The following SORBS2 variants were observed in gnomAD, a reference collection of about 807,000 sequenced individuals.
The protein encoded by SORBS2 is sorbin and SH3 domain containing 2.
In SORBS2, 46 loss-of-function variants were observed where a neutral mutation model predicts 97.7. The observed-to-expected ratio is 0.47, with a 90% CI of 0.37 to 0.60. SORBS2 has a LOEUF of 0.60. Among genes scored for constraint, SORBS2 ranks in the 20% least tolerant of loss-of-function variants. The pLI is 0.00. For synonymous variants in SORBS2, 476 were observed against 473.4 expected (o/e 1.01, Z -0.07); for missense variants, 1,316 against 1,282.3 (o/e 1.03, Z -0.40).
At chr4:185,947,812 G>A (rs6552939) in intron 1 of SORBS2, among the ~76,000 whole-genome samples, 138,504 of 152,104 alleles carry the variant, frequency 0.91, 63,105 homozygotes, top group East Asian at 0.95. Flanking sequence ...GGTTTCACCA[G>A]GTTGGCCAGG....
chr4:185,624,809 A>G (rs537890644), intron 6 of SORBS2, among the ~76,000 whole-genome samples: 1 of 152,352 alleles, frequency 6.6e-6, no homozygotes, highest in Admixed American at 6.5e-5. Flanking sequence ...TTCTGACAAT[A>G]TTGTTTGCCA....
At chr4:185,938,183 C>T (rs757467809) in intron 1 of SORBS2, among the ~76,000 whole-genome samples, 105 of 151,494 alleles carry the variant, frequency 6.9e-4, no homozygotes, top group Non-Finnish European at 1.1e-3. Flanking sequence ...TTTTTTGTAG[C>T]GATGAGGCTT....
chr4:185,589,778 C>A (rs766953732), exon 14 of SORBS2: 1 of 1,587,690 alleles, frequency 6.3e-7, no homozygotes, highest in Non-Finnish European at 8.7e-7. Context: ...TTATACAGAG[C>A]CTGAAACCTT....
In SORBS2 at chr4:185,755,279, G is replaced by A. The variant is rs1018650954; in HGVS notation, c.-198+19948C>T. On this transcript the variant is annotated intron_variant, in intron 2 of 20. Transcript: ENST00000284776. ...GGGACTGACACCTTTGCTTCCCATC[G>A]CAAGCACAGCCAATTCACTGAAAAG... is the stretch of plus-strand genomic sequence containing the variant. Among the ~76,000 whole-genome samples, 5 of 152,314 alleles carry A rather than the reference G, an allele frequency of 3.3e-5. 1 individual carries two copies. The highest frequency in any genetic ancestry group is 6.8e-3 in the Middle Eastern group (2 of 294).
At chr4:185,597,566 C>G (rs111618986) in intron 12 of SORBS2, among the ~76,000 whole-genome samples, 1 of 152,156 alleles carries the variant, frequency 6.6e-6, no homozygotes, top group Non-Finnish European at 1.5e-5. Context: ...GATGTGCACG[C>G]TATTGCATGA....
At chr4:185,687,352 T>C (rs1314366447) in intron 2 of SORBS2, among the ~76,000 whole-genome samples, 1 of 152,126 alleles carries the variant, frequency 6.6e-6, no homozygotes, top group Non-Finnish European at 1.5e-5. Flanking sequence ...TTTAGATCAG[T>C]AAATGAGAGT....
At chr4:185,799,812 A>C (rs2099122015) in intron 1 of SORBS2, among the ~76,000 whole-genome samples, 1 of 152,176 alleles carries the variant, frequency 6.6e-6, no homozygotes, top group African/African-American at 2.4e-5. Context: ...CATTTAGATG[A>C]GGGAACTGTG....
At chr4:185,625,753 T>C (rs779598538) in intron 6 of SORBS2, among the ~76,000 whole-genome samples, 4 of 152,176 alleles carry the variant, frequency 2.6e-5, no homozygotes, top group Non-Finnish European at 5.9e-5. Context: ...TCAGCTGATA[T>C]CACAGCTTTA....
chr4:185,656,745 C>T (rs2097412471), exon 1 of SORBS2: 1 of 1,533,162 alleles, frequency 6.5e-7, no homozygotes, highest in East Asian at 2.5e-5. Context: ...TCTGCTACTG[C>T]TGCGTTTTGC....
At chr4:185,888,109 T>G (rs191147146) in intron 1 of SORBS2, among the ~76,000 whole-genome samples, 3 of 151,818 alleles carry the variant, frequency 2.0e-5, no homozygotes, top group Admixed American at 2.0e-4. Flanking sequence ...ATATATTGCC[T>G]GTCCCAATTT....
exon 15 of SORBS2, chr4:185,587,199 C>T (rs2095810144): frequency 5.4e-6 from 1 of 186,010 alleles, no homozygotes; most frequent in Non-Finnish European, 1.1e-5. Flanking sequence ...AAATGCAAAC[C>T]ACAGCATTCC....
chr4:185,766,985 G>C (rs918790922), intron 2 of SORBS2, among the ~76,000 whole-genome samples: 4 of 151,594 alleles, frequency 2.6e-5, no homozygotes, highest in Non-Finnish European at 4.4e-5. Flanking sequence ...TTTAAACTGT[G>C]TCAATTTCCT....
At chr4:185,936,162 G>A (rs574014672) in intron 1 of SORBS2, among the ~76,000 whole-genome samples, 7 of 152,276 alleles carry the variant, frequency 4.6e-5, no homozygotes, top group Admixed American at 1.3e-4. Context: ...CCTGGCCAAC[G>A]GTAAGTTTTC....
chr4:185,650,064 C>T (rs866061620), intron 2 of SORBS2, among the ~76,000 whole-genome samples: 1 of 152,100 alleles, frequency 6.6e-6, no homozygotes, highest in Admixed American at 6.5e-5. Context: ...ACTTTAAAAA[C>T]CCTGATTTAC....
chr4:185,949,789 A>T (rs760243190), intron 1 of SORBS2, among the ~76,000 whole-genome samples: 1 of 152,198 alleles, frequency 6.6e-6, no homozygotes, highest in Non-Finnish European at 1.5e-5. Context: ...TCTGAGACCT[A>T]TTTGGGAACT....
intron 1 of SORBS2, among the ~76,000 whole-genome samples, chr4:185,905,871 A>G (rs999844594): frequency 6.6e-6 from 1 of 152,216 alleles, no homozygotes; most frequent in African/African-American, 2.4e-5. Context: ...GGGCCCTTCA[A>G]ACAAAAATAA....
intron 1 of SORBS2, among the ~76,000 whole-genome samples, chr4:185,795,879 C>T (rs556376844): frequency 5.9e-5 from 9 of 152,182 alleles, no homozygotes; most frequent in Non-Finnish European, 1.2e-4. Flanking sequence ...CTTGTTTTCC[C>T]AAGACAGAAA....
At chr4:185,897,042 G>A (rs2099245399) in intron 1 of SORBS2, among the ~76,000 whole-genome samples, 1 of 152,194 alleles carries the variant, frequency 6.6e-6, no homozygotes, top group South Asian at 2.1e-4. Context: ...AGCCTCAGAA[G>A]CAAGAGCTTC....
At chr4:185,915,407 T>C (rs1251670044) in intron 1 of SORBS2, among the ~76,000 whole-genome samples, 3 of 152,190 alleles carry the variant, frequency 2.0e-5, no homozygotes, top group African/African-American at 7.2e-5. Context: ...ACCTAAATAG[T>C]AATCAGCTCT....
Sources: allele counts gnomAD v4.1 joint callset (sites outside exome capture counted in the v4.1 genomes callset), GRCh38; gene constraint gnomAD v4.1.1; transcripts MANE v1.5; gene names NCBI Gene and HGNC (gene_info 2026-07-23, HGNC 2026-07-21).